CNOT10: variants seen among roughly 807,000 people sequenced by gnomAD.
CNOT10 encodes the protein CCR4-NOT transcription complex, subunit 10.
In CNOT10, 30 loss-of-function variants were observed where a neutral mutation model predicts 94.6. The observed-to-expected ratio is 0.32, with a 90% confidence interval of 0.24 to 0.43. The LOEUF is 0.43. CNOT10 is among the 20% of genes least tolerant of loss of function. The probability of loss-of-function intolerance (pLI) is 1.00; values close to 1 mark genes in which losing one functional copy is unlikely to be tolerated. For missense variants in CNOT10, 759 were observed against 877.2 expected (o/e 0.87, Z 1.70); for synonymous variants, 289 against 301.6 (o/e 0.96, Z 0.43).
At chr3:32,745,720 C>T (rs1037510820) in intron 13 of CNOT10, among the ~76,000 whole-genome samples, 7 of 152,224 alleles carry the variant, frequency 4.6e-5, no homozygotes, top group Non-Finnish European at 8.8e-5. Flanking sequence ...CCAGTGAGGT[C>T]GGGCACAGTG....
At chr3:32,693,750 C>T (rs992026044) in intron 1 of CNOT10, among the ~76,000 whole-genome samples, 1 of 152,046 alleles carries the variant, frequency 6.6e-6, no homozygotes, top group Non-Finnish European at 1.5e-5. Context: ...TCATGTTGCC[C>T]AGGCTAGTCT....
At chr3:32,691,680 G>A (rs188712991) in intron 1 of CNOT10, among the ~76,000 whole-genome samples, 4 of 152,256 alleles carry the variant, frequency 2.6e-5, no homozygotes, top group Admixed American at 1.3e-4. Context: ...TTCAACATGC[G>A]TTTCTTAAAA....
At chr3:32,741,673 G>A (rs1008670786) in intron 13 of CNOT10, among the ~76,000 whole-genome samples, 2 of 151,462 alleles carry the variant, frequency 1.3e-5, no homozygotes, top group Non-Finnish European at 2.9e-5. Context: ...GGAGGCTGAG[G>A]CAGGAGAATC....
intron 1 of CNOT10, among the ~76,000 whole-genome samples, chr3:32,701,467 A>G (rs1444860342): frequency 1.3e-5 from 2 of 152,158 alleles, no homozygotes; most frequent in South Asian, 2.1e-4. Flanking sequence ...TGTGTCCCCA[A>G]CCAAATCTCA....
intron 1 of CNOT10, among the ~76,000 whole-genome samples, chr3:32,690,971 T>G (rs1373128675): frequency 6.6e-6 from 1 of 151,278 alleles, no homozygotes; most frequent in African/African-American, 2.4e-5. Context: ...TTTTACCATA[T>G]TTGCTTCCTC....
chr3:32,771,005 G>A (rs575315387), intron 18 of CNOT10, among the ~76,000 whole-genome samples: 1 of 152,152 alleles, frequency 6.6e-6, no homozygotes, highest in South Asian at 2.1e-4. Context: ...GAGCCAGAGC[G>A]ACGACCCATC....
intron 12 of CNOT10, 59 bp from the exon 13 acceptor site, chr3:32,737,351 T>G: frequency 1.5e-6 from 2 of 1,296,930 alleles, no homozygotes; most frequent in Non-Finnish European, 2.2e-6. Flanking sequence ...GAAACAAAAT[T>G]TTACGTTTAA....
chr3:32,750,031 A>G (rs189998376), intron 13 of CNOT10, among the ~76,000 whole-genome samples: 8 of 152,240 alleles, frequency 5.3e-5, no homozygotes, highest in Admixed American at 3.9e-4. Flanking sequence ...AGCCTGGCCT[A>G]CATAGTGAGA....
intron 10 of CNOT10, among the ~76,000 whole-genome samples, chr3:32,728,970 C>A (rs1441654726): frequency 6.6e-6 from 1 of 152,056 alleles, no homozygotes; most frequent in Non-Finnish European, 1.5e-5. Context: ...GCGTTGTGGG[C>A]CTGTAGTCCC....
chr3:32,732,721 A>G (rs1699016643), intron 10 of CNOT10, among the ~76,000 whole-genome samples: 1 of 152,202 alleles, frequency 6.6e-6, no homozygotes, highest in Non-Finnish European at 1.5e-5. Context: ...GATTACGGGC[A>G]TGAACCACTG....
Position 32,708,825 on chromosome 3 carries a change from G to A in CNOT10, c.430+5G>A, listed in dbSNP as rs1230515257. ...ATCAGTTCATAGAGCCTTTTGGTAT[G>A]TTATCTGTCAAGTCAAAAATTTCCC... On this transcript the variant is annotated splice_donor_5th_base_variant and intron_variant, in intron 4 of 18. Transcript: ENST00000328834. 6.3e-7 allele frequency: 1 copy of A among 1,598,580 alleles called. No homozygotes were observed. Among genetic ancestry groups the A allele is most frequent in the Non-Finnish European group, 8.5e-7 (1 of 1,174,882 alleles).
chr3:32,747,423 CAATA>C (rs752514872), intron 13 of CNOT10, among the ~76,000 whole-genome samples: 6 of 151,622 alleles, frequency 4.0e-5, no homozygotes, highest in East Asian at 3.9e-4. Flanking sequence ...AACTCCGTCT[CAATA>C]AATAAATAAA....
Position 32,734,965 on chromosome 3 carries a change from T to C in CNOT10, c.1503T>C (p.Ser501=). The change falls in exon 12 of 19, where the codon AGT becomes AGC. Residue 501 remains serine (S), a synonymous_variant. Coordinates refer to ENST00000328834, the MANE Select transcript of CNOT10 (RefSeq NM_015442.3). ...LGGNTESSES[S]ETCSSKSHDG... is the part of the protein sequence containing the mutation. ...GGAACACAGAGAGCAGCGAAAGCAG[T>C]GAAACTTGCAGGTATTCTAATCCTT... 6.2e-7 allele frequency: 1 copy of C among 1,613,120 alleles called. No homozygotes were observed. Among genetic ancestry groups the C allele is most frequent in the Non-Finnish European group, 8.5e-7 (1 of 1,179,314 alleles).
intron 18 of CNOT10, among the ~76,000 whole-genome samples, chr3:32,770,748 C>G (rs1700868758): frequency 6.6e-6 from 1 of 151,152 alleles, no homozygotes. Flanking sequence ...GCTCTGTCAC[C>G]CAGGCTGGAG....
intron 1 of CNOT10, among the ~76,000 whole-genome samples, chr3:32,688,986 C>T (rs1231847152): frequency 1.3e-5 from 2 of 151,436 alleles, no homozygotes; most frequent in East Asian, 3.9e-4. Flanking sequence ...TGGCAGATCA[C>T]GAGGTCAAGA....
rs190279044 is a variant in CNOT10 at position 32,693,819 on chromosome 3, G to A, written c.22+8337G>A. Among the ~76,000 whole-genome samples, 1,325 of 152,156 alleles carry A rather than the reference G, an allele frequency of 8.7e-3. 22 individuals carry two copies. The highest frequency in any genetic ancestry group is 0.03 in the African/African-American group (1,245 of 41,508). Reference sequence around the variant, plus strand: ...GACCTCCCAAAGTGCTGGGATTACAGGTGTGAGCCACCATGCCCGGCACTT... The same window carrying A: ...GACCTCCCAAAGTGCTGGGATTACAAGTGTGAGCCACCATGCCCGGCACTT... On this transcript the variant is annotated intron_variant, in intron 1 of 18. Coordinates refer to ENST00000328834, the MANE Select transcript of CNOT10 (RefSeq NM_015442.3).
intron 13 of CNOT10, among the ~76,000 whole-genome samples, chr3:32,745,401 T>C (rs1413268244): frequency 3.3e-5 from 5 of 152,306 alleles, no homozygotes; most frequent in Non-Finnish European, 7.3e-5. Context: ...AATGACACTT[T>C]TAGAAATTTG....
chr3:32,771,569 C>T (rs1235508467), intron 18 of CNOT10, among the ~76,000 whole-genome samples: 1 of 151,996 alleles, frequency 6.6e-6, no homozygotes, highest in East Asian at 1.9e-4. Context: ...CACTGCACTC[C>T]AATCTGGGCG....
intron 1 of CNOT10, 71 bp downstream of exon 1, chr3:32,685,553 C>T: frequency 1.3e-6 from 2 of 1,513,728 alleles, no homozygotes; most frequent in Non-Finnish European, 1.8e-6. Flanking sequence ...AACTCGGAGG[C>T]GGCGGGGCCC....
Sources: allele counts gnomAD v4.1 joint callset (sites outside exome capture counted in the v4.1 genomes callset), GRCh38; gene constraint gnomAD v4.1.1; transcripts MANE v1.5; gene names NCBI Gene and HGNC (gene_info 2026-07-23, HGNC 2026-07-21).